The following CA10 variants were observed in gnomAD, a reference collection of about 807,000 sequenced individuals.
CA10 encodes carbonic anhydrase-related protein 10.
Under a neutral mutation model 44.2 loss-of-function variants are expected in CA10, and 14 were observed. The ratio of observed to expected loss-of-function variants is 0.32; its 90% CI spans 0.21 to 0.50. The LOEUF is 0.50. Among genes scored for constraint, CA10 ranks in the 20% least tolerant of loss-of-function variants. The pLI is 0.99. For missense variants in CA10, 350 were observed against 409.7 expected (o/e 0.85, Z 1.26); for synonymous variants, 159 against 141.6 (o/e 1.12, Z -0.87).
chr17:52,016,898 A>G (rs781171187), intron 2 of CA10, among the ~76,000 whole-genome samples: 1 of 152,094 alleles, frequency 6.6e-6, no homozygotes, highest in Non-Finnish European at 1.5e-5. Flanking sequence ...AGGTGATAGA[A>G]TGAGGCTCCA....
At chr17:52,083,812 A>AGTAAAATGTG (rs1988046299) in intron 1 of CA10, among the ~76,000 whole-genome samples, 1 of 152,188 alleles carries the variant, frequency 6.6e-6, no homozygotes. Context: ...GCACTTACCC[A>AGTAAAATGTG]TTGATAGAGA....
At chr17:51,670,907 A>G (rs143370302) in intron 4 of CA10, among the ~76,000 whole-genome samples, 2 of 152,340 alleles carry the variant, frequency 1.3e-5, no homozygotes, top group Non-Finnish European at 2.9e-5. Context: ...GTCTGATGCC[A>G]AAAACAAAAT....
At chr17:51,811,236 A>T (rs573654299) in intron 3 of CA10, among the ~76,000 whole-genome samples, 4 of 152,210 alleles carry the variant, frequency 2.6e-5, no homozygotes, top group African/African-American at 9.6e-5. Context: ...AAGCATGAAC[A>T]TCATCCACAC....
rs575771460 is a variant in CA10, at chr17:51,717,845, A to G, written c.465+29788T>C. ...TATGTGTGTGTATATATATATATAT[A>G]TATATATATATATATATATATATAC... is the stretch of plus-strand genomic sequence containing the variant. On this transcript the variant is annotated intron_variant, in intron 4 of 8. Transcript: ENST00000451037. 1.3e-4 allele frequency among the ~76,000 whole-genome samples: 7 copies of G among 53,354 alleles called. 2 individuals carry two copies. Among genetic ancestry groups the G allele is most frequent in the East Asian group, 1.7e-3 (2 of 1,212 alleles). The allele number at this position is 53,354 out of a possible 152,430, so 35.0% of individuals were successfully genotyped here. A position where few individuals can be genotyped will look rare whatever the true frequency, so the allele number is the denominator to read the frequency against.
At chr17:51,757,275 G>A (rs547404804) in intron 3 of CA10, among the ~76,000 whole-genome samples, 1 of 152,036 alleles carries the variant, frequency 6.6e-6, no homozygotes, top group Non-Finnish European at 1.5e-5. Flanking sequence ...AAGCATCGAC[G>A]CAAGAAAAAA....
At chr17:51,689,943 C>T (rs1168868356) in intron 4 of CA10, among the ~76,000 whole-genome samples, 1 of 149,802 alleles carries the variant, frequency 6.7e-6, no homozygotes, top group African/African-American at 2.5e-5. Context: ...TTAAAATCTA[C>T]TCTTACCGAT....
In CA10 at chr17:51,916,716, T is replaced by G. The variant is rs73348476; in HGVS notation, c.279+14274A>C. ...GTATGAAAGCAGACTAATACAAAGTTGTATTAAAAGAGGAATTAAGATGAA... is the reference window on the plus strand; with the variant it reads ...GTATGAAAGCAGACTAATACAAAGTGGTATTAAAAGAGGAATTAAGATGAA... On this transcript the variant is annotated intron_variant, in intron 3 of 8. Coordinates refer to ENST00000451037, the MANE Select transcript of CA10 (RefSeq NM_020178.5). 4.8e-3 allele frequency among the ~76,000 whole-genome samples: 734 copies of G among 152,160 alleles called. 6 individuals are homozygous for G. The highest frequency in any genetic ancestry group is 0.017 in the African/African-American group (704 of 41,512).
chr17:51,714,843 T>A (rs1284482404), intron 4 of CA10, among the ~76,000 whole-genome samples: 1 of 152,222 alleles, frequency 6.6e-6, no homozygotes, highest in Non-Finnish European at 1.5e-5. Context: ...TTACGGCTCT[T>A]CCTTCACATT....
chr17:51,919,058 GTTCTT>G (rs1982120246), intron 3 of CA10, among the ~76,000 whole-genome samples: 1 of 151,976 alleles, frequency 6.6e-6, no homozygotes, highest in Non-Finnish European at 1.5e-5. Flanking sequence ...TTTTAATTTG[GTTCTT>G]TTGTTTCAGA....
chr17:51,848,494 T>C (rs1300644590), intron 3 of CA10, among the ~76,000 whole-genome samples: 1 of 152,212 alleles, frequency 6.6e-6, no homozygotes, highest in Non-Finnish European at 1.5e-5. Context: ...TGGCAGGCAA[T>C]GGAGATACAC....
chr17:52,114,244 A>G (rs1183621995), intron 1 of CA10, among the ~76,000 whole-genome samples: 1 of 152,200 alleles, frequency 6.6e-6, no homozygotes, highest in Non-Finnish European at 1.5e-5. Context: ...TTCAAATTTA[A>G]CTACACCCTC....
At chr17:52,075,476 ACT>A (rs1987793650) in intron 1 of CA10, among the ~76,000 whole-genome samples, 3 of 152,204 alleles carry the variant, frequency 2.0e-5, no homozygotes, top group Admixed American at 6.5e-5. Context: ...GTATAATAAA[ACT>A]TTGTAAGACA....
chr17:52,003,290 A>G (rs367581661), intron 2 of CA10, among the ~76,000 whole-genome samples: 1 of 151,930 alleles, frequency 6.6e-6, no homozygotes, highest in African/African-American at 2.4e-5. Flanking sequence ...TGTGACAACC[A>G]TCATGGCTCC....
chr17:52,097,989 C>A lies in CA10; in HGVS notation c.62-25596G>T, dbSNP rs76231282. Among the ~76,000 whole-genome samples, 345 of 152,270 alleles carry A rather than the reference C, an allele frequency of 2.3e-3. 1 individual carries two copies. Among genetic ancestry groups the A allele is most frequent in the African/African-American group, 7.9e-3 (330 of 41,556 alleles). ...ACCTGGCCACTCTTCCAGCGGAGGC[C>A]CCCCAATATTTCTATATCAACTAAG... On this transcript the variant is annotated intron_variant, in intron 1 of 8. Transcript: ENST00000451037.
At chr17:51,923,163 A>C (rs1008279884) in intron 3 of CA10, among the ~76,000 whole-genome samples, 3 of 152,214 alleles carry the variant, frequency 2.0e-5, no homozygotes, top group Non-Finnish European at 1.5e-5. Flanking sequence ...TAAATGGGTA[A>C]GGATACTTAT....
chr17:52,018,371 T>C (rs1021253943), intron 2 of CA10, among the ~76,000 whole-genome samples: 2 of 152,116 alleles, frequency 1.3e-5, no homozygotes, highest in African/African-American at 2.4e-5. Flanking sequence ...TGCAAAGCCA[T>C]AGGGACAGGC....
intron 1 of CA10, among the ~76,000 whole-genome samples, chr17:52,072,993 A>G (rs936532639): frequency 2.0e-5 from 3 of 152,192 alleles, no homozygotes; most frequent in Non-Finnish European, 4.4e-5. Context: ...TCATGCTGAC[A>G]TGACCTCAGG....
chr17:52,074,040 T>A (rs1187207457), intron 1 of CA10, among the ~76,000 whole-genome samples: 4 of 152,204 alleles, frequency 2.6e-5, no homozygotes, highest in Non-Finnish European at 5.9e-5. Context: ...ATTCTTCCTC[T>A]GGGTCTTGGT....
At chr17:51,826,427 T>C (rs1908011996) in intron 3 of CA10, among the ~76,000 whole-genome samples, 1 of 152,224 alleles carries the variant, frequency 6.6e-6, no homozygotes, top group Non-Finnish European at 1.5e-5. Flanking sequence ...TCCTGCTCTG[T>C]GTACCTCACG....
Sources: gnomAD v4.1 joint callset for allele counts (sites outside exome capture counted in the v4.1 genomes callset) on GRCh38, gnomAD v4.1.1 for gene constraint, MANE v1.5 for transcripts, NCBI Gene and HGNC (gene_info 2026-07-23, HGNC 2026-07-21) for gene names.